SLMAP: variants seen among roughly 807,000 people sequenced by gnomAD.
SLMAP encodes sarcolemmal membrane-associated protein.
Under a neutral mutation model 128.8 loss-of-function variants are expected in SLMAP, and 44 were observed. That is an observed-to-expected ratio of 0.34 (90% CI 0.27 to 0.44). The LOEUF (loss-of-function observed/expected upper bound fraction) is 0.44, where lower values mean the gene tolerates loss of function less well. Among genes scored for constraint, SLMAP ranks in the 20% least tolerant of loss-of-function variants. The probability of loss-of-function intolerance (pLI) is 1.00; values close to 1 mark genes in which losing one functional copy is unlikely to be tolerated. For missense variants in SLMAP, 787 were observed against 985.3 expected (o/e 0.80, Z 2.69); for synonymous variants, 327 against 348.8 (o/e 0.94, Z 0.70).
At position 57,847,090 on chromosome 3, in the gene SLMAP, T is replaced by C. The variant is rs1398863725; in HGVS notation, c.420-107T>C. On this transcript the variant is annotated intron_variant, in intron 4 of 24. Transcript: ENST00000671191. ...AATAGTTCACCTTTTTTTAATTACA[T>C]GAAGGCAAATGTATAAACTTTGTGG... 5.7e-6 allele frequency: 4 copies of C among 703,250 alleles called. No individual in the cohort carries two copies. The African/African-American group carries it at 7.2e-5, about 13-fold the overall frequency. 43.6% of individuals were successfully genotyped at this position (703,250 alleles called of 1,614,324 possible). A position where few individuals can be genotyped will look rare whatever the true frequency, so the allele number is the denominator to read the frequency against.
At position 57,922,931 on chromosome 3, in the gene SLMAP, T is replaced by C. The variant is rs1264840603; in HGVS notation, c.2353T>C (p.Phe785Leu). 3 of 1,613,666 alleles carry C rather than the reference T, an allele frequency of 1.9e-6. No homozygotes were observed. Among genetic ancestry groups the C allele is most frequent in the South Asian group, 1.1e-5 (1 of 91,078 alleles). Residue 785 changes from phenylalanine (F) to leucine (L), a missense_variant, in exon 23 of 25, where the codon TTT becomes CTT. This residue lies in a region of SLMAP where 715 missense variants were observed against 843.6 expected (regional missense o/e 0.85). Transcript: ENST00000671191. ...TGTACTCTCAGAACTGAAGTTGAAG[T>C]TTGAAATGACTGAGCAGGAAAAGCA... ...QTVLSELKLK[F>L]EMTEQEKQSI...
chr3:57,770,356 C>T (rs2080590911), intron 2 of SLMAP, among the ~76,000 whole-genome samples: 1 of 152,106 alleles, frequency 6.6e-6, no homozygotes, highest in African/African-American at 2.4e-5. Flanking sequence ...TTTTAAGCCA[C>T]TGTTTGAAGA....
chr3:57,865,233 T>G lies in SLMAP; in HGVS notation c.1187-9T>G. The G allele has an allele frequency of 6.8e-7, 1 of 1,470,438 alleles. No homozygotes were observed. Among genetic ancestry groups the G allele is most frequent in the Non-Finnish European group, 9.2e-7 (1 of 1,083,740 alleles). 91.1% of individuals were successfully genotyped at this position (1,470,438 alleles called of 1,614,324 possible). A position where few individuals can be genotyped will look rare whatever the true frequency, so the allele number is the denominator to read the frequency against. On this transcript the variant is annotated splice_polypyrimidine_tract_variant and intron_variant, in intron 12 of 24. Transcript: ENST00000671191. ...TTGATCAGGCAATGATATACTGTCT[T>G]AATCCTAGGGATACAAGTTGATGAC...
At chr3:57,884,746 T>C (rs1425570983) in intron 14 of SLMAP, among the ~76,000 whole-genome samples, 1 of 151,980 alleles carries the variant, frequency 6.6e-6, no homozygotes, top group Non-Finnish European at 1.5e-5. Flanking sequence ...AAGGTGGAGA[T>C]TGCAGTGGGC....
intron 4 of SLMAP, among the ~76,000 whole-genome samples, chr3:57,842,000 G>A (rs563452355): frequency 1.6e-4 from 24 of 152,208 alleles, no homozygotes; most frequent in African/African-American, 5.8e-4. Flanking sequence ...AGGGAGTTGA[G>A]CAATCTTTAA....
At chr3:57,767,465 A>G (rs374479279) in intron 2 of SLMAP, among the ~76,000 whole-genome samples, 42 of 152,352 alleles carry the variant, frequency 2.8e-4, no homozygotes, top group Admixed American at 1.6e-3. Flanking sequence ...TAGTCTTTGT[A>G]TAAGTCATTA....
At position 57,912,376 on chromosome 3, in the gene SLMAP, T is replaced by C. The variant is rs1056223038; in HGVS notation, c.1700-5T>C. On this transcript the variant is annotated splice_polypyrimidine_tract_variant and splice_region_variant and intron_variant, in intron 19 of 24. Transcript: ENST00000671191. ...GCCAAGAAAATGATGGATATACTTTTGCAGCCCAATTGCAGAGGTTACACA... is the reference window on the plus strand; with the variant it reads ...GCCAAGAAAATGATGGATATACTTTCGCAGCCCAATTGCAGAGGTTACACA... The C allele has an allele frequency of 1.2e-6, 2 of 1,602,956 alleles. No individual in the cohort carries two copies. Among genetic ancestry groups the C allele is most frequent in the Non-Finnish European group, 1.7e-6 (2 of 1,170,514 alleles).
rs201859602 is a variant in SLMAP, at chr3:57,831,534, C to A, written c.346+4C>A. 5 of 1,502,690 alleles carry A rather than the reference C, an allele frequency of 3.3e-6. No individual in the cohort carries two copies. In the South Asian group the frequency reaches 5.3e-5, roughly 16 times the overall value. The allele number at this position is 1,502,690 out of a possible 1,614,324, so 93.1% of individuals were successfully genotyped here. A position where few individuals can be genotyped will look rare whatever the true frequency, so the allele number is the denominator to read the frequency against. ...GTGACAGAGAATACACGGAAAGGTA[C>A]GGGTATGGATCACTTTTTTTATTAC... On this transcript the variant is annotated splice_donor_region_variant and intron_variant, in intron 3 of 24. Coordinates refer to ENST00000671191, the MANE Select transcript of SLMAP (RefSeq NM_001377540.1).
At chr3:57,774,706 G>T (rs2081487512) in intron 2 of SLMAP, among the ~76,000 whole-genome samples, 1 of 151,794 alleles carries the variant, frequency 6.6e-6, no homozygotes, top group Non-Finnish European at 1.5e-5. Context: ...TGCGTTTTTA[G>T]TAGAGACTGG....
At chr3:57,832,738 C>G (rs979428067) in intron 3 of SLMAP, among the ~76,000 whole-genome samples, 2 of 152,132 alleles carry the variant, frequency 1.3e-5, no homozygotes, top group African/African-American at 4.8e-5. Flanking sequence ...CATATACTTT[C>G]ACTGGTATTG....
At chr3:57,790,478 G>C (rs1163570804) in intron 2 of SLMAP, among the ~76,000 whole-genome samples, 1 of 152,026 alleles carries the variant, frequency 6.6e-6, no homozygotes, top group African/African-American at 2.4e-5. Context: ...GGAACACGGT[G>C]GTAAAATATT....
chr3:57,841,330 A>T lies in SLMAP; in HGVS notation c.378A>T (p.Lys126Asn). Residue 126 changes from lysine (K) to asparagine (N), a missense_variant, in exon 4 of 25, where the codon AAA (lysine) becomes AAT (asparagine). Lys to Asn is a moderately conservative substitution (Grantham distance 94). Coordinates refer to ENST00000671191, the MANE Select transcript of SLMAP (RefSeq NM_001377540.1). ...VTHGCIVSTI[K>N]LFLPDGMEAR... ...ATGGGTGTATTGTTTCCACAATAAA[A>T]CTTTTTCTACCAGATGGTATGGAAG... 1.2e-6 allele frequency: 2 copies of T among 1,609,784 alleles called. No individual in the cohort carries two copies. Among genetic ancestry groups the T allele is most frequent in the Non-Finnish European group, 1.7e-6 (2 of 1,177,366 alleles).
In SLMAP at chr3:57,757,471, G is replaced by A; in HGVS notation, c.-181G>A. ...TTTTAAAGGAGGTGATGGGGCTTGC[G>A]CTGGCTTGTCTTCCCACCCAAGTGA... On this transcript the variant is annotated 5_prime_UTR_variant, in exon 2 of 25. Coordinates refer to ENST00000671191, the MANE Select transcript of SLMAP (RefSeq NM_001377540.1). 1 of 624,782 alleles carries A rather than the reference G, an allele frequency of 1.6e-6. No individual in the cohort carries two copies. The highest frequency in any genetic ancestry group is 2.8e-6 in the Non-Finnish European group (1 of 354,312). 38.7% of individuals were successfully genotyped at this position (624,782 alleles called of 1,614,324 possible).
intron 2 of SLMAP, among the ~76,000 whole-genome samples, chr3:57,827,160 A>G (rs1002603311): frequency 1.3e-5 from 2 of 152,184 alleles, no homozygotes; most frequent in South Asian, 2.1e-4. Context: ...TGGTGTGTCT[A>G]CTATATTTGT....
intron 14 of SLMAP, among the ~76,000 whole-genome samples, chr3:57,876,953 G>A (rs1306348263): frequency 6.6e-6 from 1 of 152,138 alleles, no homozygotes; most frequent in East Asian, 1.9e-4. Flanking sequence ...CTACTTTGTA[G>A]AGACAAACTG....
chr3:57,914,910 G>A (rs529783092), intron 21 of SLMAP, among the ~76,000 whole-genome samples: 20 of 143,372 alleles, frequency 1.4e-4, no homozygotes, highest in Non-Finnish European at 2.6e-4. Context: ...TTTTGAGGCA[G>A]AGTCACATTC....
intron 2 of SLMAP, among the ~76,000 whole-genome samples, chr3:57,821,375 T>C (rs1483850771): frequency 6.6e-6 from 1 of 152,144 alleles, no homozygotes; most frequent in African/African-American, 2.4e-5. Flanking sequence ...TATTGGCAAG[T>C]TTCATTCTAG....
At chr3:57,838,289 T>C (rs2093736056) in intron 3 of SLMAP, among the ~76,000 whole-genome samples, 3 of 152,210 alleles carry the variant, frequency 2.0e-5, no homozygotes, top group African/African-American at 7.2e-5. Context: ...TAGAAACTCA[T>C]TTATCATAAG....
chr3:57,916,286 G>A (rs1460491405), intron 21 of SLMAP, among the ~76,000 whole-genome samples: 1 of 152,142 alleles, frequency 6.6e-6, no homozygotes, highest in African/African-American at 2.4e-5. Flanking sequence ...TCTGTATTAC[G>A]TGGTATCTGG....
Sources: allele counts gnomAD v4.1 joint callset (sites outside exome capture counted in the v4.1 genomes callset), GRCh38; gene constraint gnomAD v4.1.1; regional missense constraint gnomAD v4.1.1; transcripts MANE v1.5; gene names NCBI Gene and HGNC (gene_info 2026-07-23, HGNC 2026-07-21).